The following DOCK9 variants were observed in gnomAD, a reference collection of about 807,000 sequenced individuals.
DOCK9 encodes dedicator of cytokinesis 9.
Under a neutral mutation model 263.3 loss-of-function variants are expected in DOCK9, and 89 were observed. That is an observed-to-expected ratio of 0.34 (90% CI 0.28 to 0.40). The LOEUF (loss-of-function observed/expected upper bound fraction) is 0.40. Ranked by LOEUF, DOCK9 falls within the 10% of genes least tolerant of loss-of-function variation. DOCK9 has a pLI of 1.00. For missense variants in DOCK9, 2,140 were observed against 2,603.4 expected (o/e 0.82, Z 3.87); for synonymous variants, 976 against 973.1 (o/e 1.00, Z -0.06).
At chr13:98,960,000 A>G (rs2058461396) in intron 1 of DOCK9, among the ~76,000 whole-genome samples, 1 of 152,192 alleles carries the variant, frequency 6.6e-6, no homozygotes, top group Non-Finnish European at 1.5e-5. Context: ...GATTGGCCTG[A>G]GACATGATTA....
At chr13:98,955,814 C>T (rs187321091) in intron 1 of DOCK9, among the ~76,000 whole-genome samples, 13 of 152,334 alleles carry the variant, frequency 8.5e-5, no homozygotes, top group Admixed American at 5.9e-4. Flanking sequence ...AGTCATTTCT[C>T]GGGTCATCCC....
At chr13:98,931,489 G>A (rs1275447205) in intron 2 of DOCK9, among the ~76,000 whole-genome samples, 3 of 151,912 alleles carry the variant, frequency 2.0e-5, no homozygotes, top group Non-Finnish European at 4.4e-5. Context: ...TAGTAGAGAC[G>A]GGGTTTCACC....
chr13:99,063,577 C>T (rs1218696515), intron 1 of DOCK9, among the ~76,000 whole-genome samples: 1 of 152,234 alleles, frequency 6.6e-6, no homozygotes, highest in Non-Finnish European at 1.5e-5. Context: ...CTGGAACATC[C>T]TCCAACTACC....
chr13:98,955,426 G>C lies in DOCK9; in HGVS notation c.243+9C>G. On this transcript the variant is annotated intron_variant, in intron 2 of 52. Transcript: ENST00000682017. ...GTGGTTCTACGGATAGAAACATAAC[G>C]TTACTTACCTGAAAGTCATCGTAAG... is the stretch of plus-strand genomic sequence containing the variant. 1 of 1,552,402 alleles carries C rather than the reference G, an allele frequency of 6.4e-7. No individual in the cohort carries two copies. Among genetic ancestry groups the C allele is most frequent in the Non-Finnish European group, 8.8e-7 (1 of 1,140,682 alleles).
At chr13:99,037,411 G>A (rs1595957630) in intron 1 of DOCK9, among the ~76,000 whole-genome samples, 1 of 152,248 alleles carries the variant, frequency 6.6e-6, no homozygotes, top group Middle Eastern at 3.4e-3. Context: ...AAAACTGAAT[G>A]AGATACTCCT....
intron 47 of DOCK9, chr13:98,808,740 C>T: frequency 9.7e-7 from 1 of 1,028,210 alleles, no homozygotes; most frequent in Non-Finnish European, 1.5e-6. Flanking sequence ...TAGAAAACCA[C>T]ACGCCCTAAA....
At chr13:98,797,553 T>C in intron 50 of DOCK9, 64 bp from the exon 51 acceptor site, 1 of 1,447,508 alleles carries the variant, frequency 6.9e-7, no homozygotes, top group Non-Finnish European at 9.5e-7. Flanking sequence ...ATCTGCTCAG[T>C]TTCAGTTTGC....
intron 27 of DOCK9, among the ~76,000 whole-genome samples, chr13:98,870,898 CA>C (rs11404800): frequency 0.039 from 5,306 of 135,004 alleles, 154 homozygotes; most frequent in South Asian, 0.13. Flanking sequence ...AATATGTTGC[CA>C]AAAAAAAAAA....
chr13:98,835,886 C>T (rs904169466), intron 39 of DOCK9, among the ~76,000 whole-genome samples: 9 of 151,932 alleles, frequency 5.9e-5, no homozygotes, highest in South Asian at 4.2e-4. Context: ...TACAAGCGCA[C>T]GCCACCATGC....
intron 2 of DOCK9, among the ~76,000 whole-genome samples, chr13:98,937,491 C>T (rs1595477307): frequency 6.6e-6 from 1 of 152,262 alleles, no homozygotes; most frequent in South Asian, 2.1e-4. Flanking sequence ...TATTTTCAGT[C>T]AATATTATTA....
At chr13:98,814,072 T>C (rs190789338) in intron 45 of DOCK9, among the ~76,000 whole-genome samples, 2 of 152,382 alleles carry the variant, frequency 1.3e-5, no homozygotes, top group Admixed American at 1.3e-4. Context: ...ACAGGACTAA[T>C]GCCTACAAAG....
chr13:98,889,607 T>C (rs1398856439), intron 15 of DOCK9, among the ~76,000 whole-genome samples: 11 of 152,242 alleles, frequency 7.2e-5, no homozygotes, highest in Non-Finnish European at 1.6e-4. Context: ...AGACTTCTGA[T>C]TCAGCGGTTT....
intron 1 of DOCK9, among the ~76,000 whole-genome samples, chr13:98,994,937 TA>T (rs1269580108): frequency 2.0e-5 from 3 of 152,216 alleles, no homozygotes; most frequent in African/African-American, 7.2e-5. Context: ...CTGTTCACTT[TA>T]AATTGTAAAC....
At chr13:98,853,901 C>T (rs1412142924) in intron 34 of DOCK9, among the ~76,000 whole-genome samples, 2 of 152,212 alleles carry the variant, frequency 1.3e-5, no homozygotes, top group East Asian at 3.8e-4. Context: ...TCAGAAGACA[C>T]TGCACAACCA....
chr13:98,913,300 G>A (rs1215236493), intron 9 of DOCK9, among the ~76,000 whole-genome samples: 3 of 152,146 alleles, frequency 2.0e-5, no homozygotes, highest in Non-Finnish European at 4.4e-5. Context: ...TAGAAGGGCA[G>A]TAACAGAGTA....
intron 30 of DOCK9, among the ~76,000 whole-genome samples, chr13:98,865,401 G>A (rs930357003): frequency 5.9e-5 from 9 of 152,114 alleles, no homozygotes; most frequent in African/African-American, 7.2e-5. Flanking sequence ...CCAGTCTCAT[G>A]TATTCCTTTA....
At chr13:98,853,624 C>G in intron 34 of DOCK9, 102 bp from the exon 35 acceptor site, 1 of 852,280 alleles carries the variant, frequency 1.2e-6, no homozygotes, top group Non-Finnish European at 1.9e-6. Context: ...CAAGTCAGAT[C>G]ATACACATTG....
chr13:99,009,386 G>A (rs1567202882), intron 1 of DOCK9, among the ~76,000 whole-genome samples: 1 of 152,082 alleles, frequency 6.6e-6, no homozygotes, highest in East Asian at 1.9e-4. Context: ...GAACTAAAAT[G>A]GAAAACAGCC....
upstream of DOCK9, among the ~76,000 whole-genome samples, chr13:98,982,045 C>T (rs750738831): frequency 4.6e-5 from 7 of 152,152 alleles, 1 homozygote; most frequent in South Asian, 1.2e-3. Flanking sequence ...TCTATGAACA[C>T]GTATGAAAGG....
Sources: gnomAD v4.1 joint callset for allele counts (sites outside exome capture counted in the v4.1 genomes callset) on GRCh38, gnomAD v4.1.1 for gene constraint, MANE v1.5 for transcripts, NCBI Gene and HGNC (gene_info 2026-07-23, HGNC 2026-07-21) for gene names.